ZEB2: variants seen among roughly 807,000 people sequenced by gnomAD.
ZEB2 encodes the protein zinc finger E-box-binding homeobox 2.
A neutral mutation model predicts 99.9 loss-of-function variants in ZEB2; 6 were observed. The ratio of observed to expected loss-of-function variants is 0.06; its 90% CI spans 0.03 to 0.12. ZEB2 has a LOEUF of 0.12. ZEB2 is among the 10% of genes least tolerant of loss of function. The pLI is 1.00. For missense variants in ZEB2, 969 were observed against 1,502.8 expected (o/e 0.64, Z 5.87); for synonymous variants, 517 against 542.5 (o/e 0.95, Z 0.65).
At position 144,398,437 on chromosome 2, in the gene ZEB2, A is replaced by G. The variant is rs1444247282; in HGVS notation, c.2750T>C (p.Ile917Thr). ...ATFMPPVQTS[I>T]PGLRPYPGLD... ...TCCTGGGTATGGTCGTAGCCCAGGA[A>G]TACTGGTCTGGACTGGTGGCATGAA... The change falls in exon 8 of 10, where the codon ATT (isoleucine) becomes ACT (threonine). Residue 917 changes from isoleucine (I) to threonine (T), a missense_variant. Physicochemically the swap from Ile to Thr is moderately conservative, Grantham distance 89. Transcript: ENST00000627532. 1 of 1,614,098 alleles carries G rather than the reference A, an allele frequency of 6.2e-7. No individual in the cohort carries two copies. Among genetic ancestry groups the G allele is most frequent in the East Asian group, 2.2e-5 (1 of 44,882 alleles).
intron 2 of ZEB2, among the ~76,000 whole-genome samples, chr2:144,500,244 G>A (rs1331990691): frequency 1.3e-5 from 2 of 152,106 alleles, no homozygotes; most frequent in African/African-American, 4.8e-5. Context: ...CAGCGCGACC[G>A]CATTTAATCA....
At chr2:144,479,682 T>TGGGG (rs140945730) in intron 2 of ZEB2, among the ~76,000 whole-genome samples, 380 of 29,676 alleles carry the variant, frequency 0.013, 26 homozygotes, top group East Asian at 0.034. Flanking sequence ...CTACTTTTTT[T>TGGGG]TGGGGGGGGG....
chr2:144,494,590 T>G (rs1272192757), intron 2 of ZEB2: 1 of 152,226 alleles, frequency 6.6e-6, no homozygotes. Flanking sequence ...AGCTGTAATT[T>G]TTTTTAAGGC....
In ZEB2 at chr2:144,430,036, A is replaced by C. The variant is rs199537087; in HGVS notation, c.74-10T>G. 5 of 1,612,048 alleles carry C rather than the reference A, an allele frequency of 3.1e-6. No individual in the cohort carries two copies. Among genetic ancestry groups the C allele is most frequent in the Non-Finnish European group, 4.2e-6 (5 of 1,179,796 alleles). ...TTGTCATAGTTCACCACTGCAGAAGAAGCACAAAACACACTCTCTAAACAC... is the reference window on the plus strand; with the variant it reads ...TTGTCATAGTTCACCACTGCAGAAGCAGCACAAAACACACTCTCTAAACAC... On this transcript the variant is annotated splice_polypyrimidine_tract_variant and intron_variant, in intron 2 of 9. Coordinates refer to ENST00000627532, the MANE Select transcript of ZEB2 (RefSeq NM_014795.4).
At chr2:144,447,313 C>T (rs1036264843) in intron 2 of ZEB2, among the ~76,000 whole-genome samples, 5 of 152,096 alleles carry the variant, frequency 3.3e-5, no homozygotes, top group African/African-American at 4.8e-5. Context: ...ATAAGTAGTT[C>T]ATAAAAAAGT....
chr2:144,390,128 T>A, intron 9 of ZEB2, 100 bp from the exon 10 acceptor site: 1 of 1,196,638 alleles, frequency 8.4e-7, no homozygotes, highest in Non-Finnish European at 1.2e-6. Context: ...TAAGCGTGTG[T>A]ACTTATGCCT....
rs1703109533 is a variant in ZEB2, at chr2:144,388,253, T to C, written c.*1198A>G. On this transcript the variant is annotated 3_prime_UTR_variant, in exon 10 of 10. Transcript: ENST00000627532. This position sits in a 1 kb window ranked among gnomAD's most constrained non-coding sequence, Gnocchi z 5.4. ...AAGTTCCCAAATTTGGAATTTCCAG[T>C]AATTGGAAAAAAACAAAAATAAAAT... 6.6e-6 allele frequency: 1 copy of C among 152,506 alleles called. No homozygotes were observed. Among genetic ancestry groups the C allele is most frequent in the African/African-American group, 2.4e-5 (1 of 41,430 alleles). 9.4% of individuals were successfully genotyped at this position (152,506 alleles called of 1,614,324 possible). A position where few individuals can be genotyped will look rare whatever the true frequency, so the allele number is the denominator to read the frequency against.
intron 2 of ZEB2, among the ~76,000 whole-genome samples, chr2:144,485,385 T>C (rs1704579303): frequency 6.6e-6 from 1 of 152,134 alleles, no homozygotes. Flanking sequence ...TTTTAGAAAT[T>C]TGGGTTGGGA....
At chr2:144,402,523 A>G (rs1703327368) in intron 6 of ZEB2, among the ~76,000 whole-genome samples, 1 of 152,204 alleles carries the variant, frequency 6.6e-6, no homozygotes, top group Non-Finnish European at 1.5e-5. Flanking sequence ...CACAGCCCTC[A>G]GAGGACTACT....
At chr2:144,390,052 G>C in intron 9 of ZEB2, 24 bp from the exon 10 acceptor site, 1 of 1,597,974 alleles carries the variant, frequency 6.3e-7, no homozygotes, top group East Asian at 2.2e-5. Context: ...CAAGATGACA[G>C]GGTGATTAGT....
intron 2 of ZEB2, chr2:144,513,312 G>T: frequency 2.3e-6 from 3 of 1,295,456 alleles, no homozygotes; most frequent in Non-Finnish European, 3.0e-6. Flanking sequence ...AGGATCCAAA[G>T]CCCTGAGAAC....
chr2:144,459,966 A>G (rs1230555345), intron 2 of ZEB2, among the ~76,000 whole-genome samples: 1 of 152,172 alleles, frequency 6.6e-6, no homozygotes, highest in Non-Finnish European at 1.5e-5. Flanking sequence ...GGGTCCCGTA[A>G]GGAGAGATCC....
intron 4 of ZEB2, among the ~76,000 whole-genome samples, chr2:144,414,808 T>A (rs967113751): frequency 6.6e-6 from 1 of 152,174 alleles, no homozygotes; most frequent in African/African-American, 2.4e-5. Flanking sequence ...TTTTTCATCA[T>A]GCCTGACTTG....
intron 2 of ZEB2, among the ~76,000 whole-genome samples, chr2:144,478,165 C>G (rs1346839368): frequency 6.6e-6 from 1 of 152,152 alleles, no homozygotes; most frequent in Non-Finnish European, 1.5e-5. Flanking sequence ...CGGGTGCATA[C>G]TTTACTTGTA....
intron 2 of ZEB2, among the ~76,000 whole-genome samples, chr2:144,472,350 C>T (rs538793075): frequency 6.6e-6 from 1 of 152,200 alleles, no homozygotes; most frequent in South Asian, 2.1e-4. Flanking sequence ...AAGACATAAA[C>T]TACTGTTAGA....
chr2:144,473,990 T>C (rs749233), intron 2 of ZEB2, among the ~76,000 whole-genome samples: 92,220 of 152,100 alleles, frequency 0.61, 28,708 homozygotes, highest in Non-Finnish European at 0.69. Context: ...GAGAGCAGAG[T>C]TTATAGAGAA....
chr2:144,489,039 A>G (rs1436049731), intron 2 of ZEB2, among the ~76,000 whole-genome samples: 2 of 152,236 alleles, frequency 1.3e-5, no homozygotes, highest in Non-Finnish European at 2.9e-5. Context: ...GATAAAACAT[A>G]CAAGATGAAA....
At chr2:144,434,195 T>C (rs1458037386) in intron 2 of ZEB2, among the ~76,000 whole-genome samples, 1 of 152,214 alleles carries the variant, frequency 6.6e-6, no homozygotes. Context: ...ATGCAGCTTA[T>C]AGACAGCTAA....
At chr2:144,505,145 G>T (rs1376889718) in intron 2 of ZEB2, among the ~76,000 whole-genome samples, 2 of 147,202 alleles carry the variant, frequency 1.4e-5, no homozygotes, top group Non-Finnish European at 3.0e-5. Context: ...CTCCAAGAGA[G>T]AGAAGAAAAA....
Sources: allele counts gnomAD v4.1 joint callset (sites outside exome capture counted in the v4.1 genomes callset), GRCh38; gene constraint gnomAD v4.1.1; non-coding constraint Gnocchi (gnomAD v3.1); transcripts MANE v1.5; gene names NCBI Gene and HGNC (gene_info 2026-07-23, HGNC 2026-07-21).